The following GNAQ variants were observed in gnomAD, a reference collection of about 807,000 sequenced individuals.
The protein encoded by GNAQ is G protein subunit alpha q.
A neutral mutation model predicts 43.9 loss-of-function variants in GNAQ; 8 were observed. The observed-to-expected ratio is 0.18, with a 90% CI of 0.11 to 0.33. The LOEUF (loss-of-function observed/expected upper bound fraction) is 0.33. Among genes scored for constraint, GNAQ ranks in the 10% least tolerant of loss-of-function variants. GNAQ has a pLI of 1.00. For missense variants in GNAQ, 158 were observed against 450.8 expected, an observed-to-expected ratio of 0.35 and a Z score of 5.88; for synonymous variants, 155 against 170.7, an observed-to-expected ratio of 0.91 and a Z score of 0.71.
At chr9:77,832,873 C>T (rs1382403561) in intron 2 of GNAQ, among the ~76,000 whole-genome samples, 4 of 152,222 alleles carry the variant, frequency 2.6e-5, no homozygotes, top group Admixed American at 2.0e-4. Flanking sequence ...CACACACAAG[C>T]TGCGTCCACT....
rs2118177581 is a variant in GNAQ, at chr9:77,717,637, T to C, written c.*3686A>G. ...GTATAAATTTTAAAATTACAGTTCG[T>C]ACACTTTGACAATCAAGATAGTCTG... On this transcript the variant is annotated 3_prime_UTR_variant, in exon 7 of 7. Coordinates refer to ENST00000286548, the MANE Select transcript of GNAQ (RefSeq NM_002072.5). 8.6e-6 allele frequency: 2 copies of C among 232,324 alleles called. No individual in the cohort carries two copies. The highest frequency in any genetic ancestry group is 3.6e-4 in the South Asian group (2 of 5,518). The allele number at this position is 232,324 out of a possible 1,614,324, so 14.4% of individuals were successfully genotyped here. A position where few individuals can be genotyped will look rare whatever the true frequency, so the allele number is the denominator to read the frequency against.
intron 1 of GNAQ, among the ~76,000 whole-genome samples, chr9:78,018,638 ACTGT>A (rs1184536142): frequency 5.9e-5 from 9 of 152,154 alleles, no homozygotes; most frequent in East Asian, 1.9e-4. Context: ...TCAAACTTGG[ACTGT>A]CTATTAAGCA....
intron 4 of GNAQ, among the ~76,000 whole-genome samples, chr9:77,795,270 C>T (rs1826638610): frequency 6.6e-6 from 1 of 152,174 alleles, no homozygotes; most frequent in African/African-American, 2.4e-5. Flanking sequence ...TGAACCATTT[C>T]AATCATTTGT....
At chr9:77,770,607 A>G (rs1826209216) in intron 5 of GNAQ, among the ~76,000 whole-genome samples, 1 of 152,214 alleles carries the variant, frequency 6.6e-6, no homozygotes, top group Non-Finnish European at 1.5e-5. Flanking sequence ...CAACCTGTGA[A>G]TCATTTAGTC....
intron 2 of GNAQ, among the ~76,000 whole-genome samples, chr9:77,921,706 G>T (rs1046857716): frequency 1.3e-5 from 2 of 152,164 alleles, no homozygotes; most frequent in African/African-American, 4.8e-5. Context: ...TGGTACTACT[G>T]AAAGAAAATC....
Position 77,815,731 on chromosome 9 carries a change from C to A in GNAQ, c.361G>T (p.Val121Leu). Residue 121 changes from valine (V) to leucine (L), a missense_variant, in exon 3 of 7, where the codon GTG becomes TTG. This residue lies in a region of GNAQ where 57 missense variants were observed against 78.2 expected (regional missense o/e 0.73). Coordinates refer to ENST00000286548, the MANE Select transcript of GNAQ (RefSeq NM_002072.5). Reference protein sequence around the residue: ...QLVREVDVEKVSAFENPYVDA... With the variant: ...QLVREVDVEKLSAFENPYVDA... ...ACATATGGATTCTCAAAAGCAGACA[C>A]CTTCTCCACATCAACTTCTCGAACT... 1 of 1,610,858 alleles carries A rather than the reference C, an allele frequency of 6.2e-7. No homozygotes were observed. The highest frequency in any genetic ancestry group is 8.5e-7 in the Non-Finnish European group (1 of 1,177,366).
intron 5 of GNAQ, among the ~76,000 whole-genome samples, chr9:77,790,779 T>C (rs1247411206): frequency 1.3e-5 from 2 of 152,198 alleles, no homozygotes; most frequent in African/African-American, 2.4e-5. Context: ...GGACCTGGCC[T>C]TCAGTGACCT....
chr9:77,912,005 T>G (rs938507478), intron 2 of GNAQ, among the ~76,000 whole-genome samples: 7 of 152,130 alleles, frequency 4.6e-5, no homozygotes, highest in African/African-American at 1.7e-4. Context: ...AGAGAACAAT[T>G]AACACATTTG....
At chr9:78,022,373 A>T (rs1346778728) in intron 1 of GNAQ, among the ~76,000 whole-genome samples, 1 of 152,228 alleles carries the variant, frequency 6.6e-6, no homozygotes, top group Non-Finnish European at 1.5e-5. Context: ...TTATAGAAAA[A>T]GCAAATGATC....
At chr9:77,741,477 G>T (rs999528249) in intron 5 of GNAQ, among the ~76,000 whole-genome samples, 3 of 152,042 alleles carry the variant, frequency 2.0e-5, no homozygotes, top group African/African-American at 7.2e-5. Flanking sequence ...ATAGTTCTTG[G>T]TTAGATATTA....
chr9:78,007,966 A>T (rs1249544706), intron 1 of GNAQ, among the ~76,000 whole-genome samples: 2 of 152,236 alleles, frequency 1.3e-5, no homozygotes, highest in Non-Finnish European at 2.9e-5. Context: ...TTTTGGAATA[A>T]TTCTCATGAG....
At chr9:77,800,390 C>G (rs1432317971) in intron 3 of GNAQ, among the ~76,000 whole-genome samples, 69 of 151,892 alleles carry the variant, frequency 4.5e-4, no homozygotes, top group East Asian at 2.5e-3. Context: ...ATACTATGCA[C>G]CCATAAAAAA....
chr9:77,927,954 G>A (rs1829093026), intron 1 of GNAQ, among the ~76,000 whole-genome samples: 1 of 152,114 alleles, frequency 6.6e-6, no homozygotes, highest in Non-Finnish European at 1.5e-5. Context: ...ACTGGTTTAA[G>A]CTAGGAGTTT....
At chr9:77,951,599 C>T (rs1822978663) in intron 1 of GNAQ, among the ~76,000 whole-genome samples, 1 of 152,142 alleles carries the variant, frequency 6.6e-6, no homozygotes, top group African/African-American at 2.4e-5. Context: ...AAATGGTCAA[C>T]CTCTTTTTGT....
chr9:77,864,611 C>A (rs1247251012), intron 2 of GNAQ, among the ~76,000 whole-genome samples: 1 of 152,008 alleles, frequency 6.6e-6, no homozygotes, highest in Non-Finnish European at 1.5e-5. Context: ...GCATGTGGGA[C>A]CATCCTGGAA....
intron 6 of GNAQ, 102 bp from the exon 7 acceptor site, chr9:77,721,615 C>A: frequency 1.4e-6 from 1 of 730,066 alleles, no homozygotes; most frequent in Non-Finnish European, 2.3e-6. Context: ...ATGAAGCCTA[C>A]ATCTGCACTG....
chr9:77,892,034 GT>G (rs1179031010), intron 2 of GNAQ, among the ~76,000 whole-genome samples: 1 of 152,022 alleles, frequency 6.6e-6, no homozygotes, highest in South Asian at 2.1e-4. Context: ...CCCCCAGATT[GT>G]TTTTTTGTTT....
chr9:77,863,780 G>GGCT (rs1358931102), intron 2 of GNAQ, among the ~76,000 whole-genome samples: 3 of 152,134 alleles, frequency 2.0e-5, no homozygotes, highest in Non-Finnish European at 4.4e-5. Flanking sequence ...TGTCTTACAT[G>GGCT]GCTGGCAGCA....
chr9:77,877,461 A>C (rs1416976586), intron 2 of GNAQ, among the ~76,000 whole-genome samples: 1 of 152,150 alleles, frequency 6.6e-6, no homozygotes, highest in Non-Finnish European at 1.5e-5. Context: ...CTGACAGACA[A>C]GTTCACGTAT....
Sources: allele counts gnomAD v4.1 joint callset (sites outside exome capture counted in the v4.1 genomes callset), GRCh38; gene constraint gnomAD v4.1.1; regional missense constraint gnomAD v4.1.1; transcripts MANE v1.5; gene names NCBI Gene and HGNC (gene_info 2026-07-23, HGNC 2026-07-21).